Variants in SEMA5B observed in about 807,000 individuals in gnomAD.
The protein encoded by SEMA5B is semaphorin-5B.
Under a neutral mutation model 135.0 loss-of-function variants are expected in SEMA5B, and 66 were observed. The observed-to-expected ratio is 0.49, with a 90% CI of 0.40 to 0.60. SEMA5B has a LOEUF of 0.60. Ranked by LOEUF, SEMA5B falls within the 20% of genes least tolerant of loss-of-function variation. The pLI, the probability that SEMA5B is intolerant of heterozygous loss-of-function variation, is 0.00. For missense variants in SEMA5B, 1,501 were observed against 1,566.3 expected, an observed-to-expected ratio of 0.96 and a Z score of 0.70; for synonymous variants, 690 against 639.5, an observed-to-expected ratio of 1.08 and a Z score of -1.19.
intron 1 of SEMA5B, among the ~76,000 whole-genome samples, chr3:123,024,436 T>G (rs1276617493): frequency 6.6e-6 from 1 of 152,174 alleles, no homozygotes; most frequent in Non-Finnish European, 1.5e-5. Flanking sequence ...AAACAAAAAG[T>G]TATGGTTGAA....
At chr3:122,949,796 GC>G (rs565994634) in intron 2 of SEMA5B, among the ~76,000 whole-genome samples, 96 of 152,074 alleles carry the variant, frequency 6.3e-4, no homozygotes, top group African/African-American at 2.2e-3. Context: ...TGACCTTGTG[GC>G]CCCCCGACCC....
At chr3:122,910,811 A>G (rs1247146794) in intron 22 of SEMA5B, 29 bp downstream of exon 22, 2 of 521,124 alleles carry the variant, frequency 3.8e-6, no homozygotes, top group Admixed American at 5.3e-5. Flanking sequence ...CTCCGTCTCA[A>G]AAAAAAAAAA....
intron 1 of SEMA5B, among the ~76,000 whole-genome samples, chr3:122,965,843 G>A (rs2107622320): frequency 6.6e-6 from 1 of 152,326 alleles, no homozygotes; most frequent in African/African-American, 2.4e-5. Context: ...CCAGGACCCA[G>A]GATTAAGAAC....
At position 122,948,696 on chromosome 3, in the gene SEMA5B, A is replaced by T; in HGVS notation, c.138T>A (p.Cys46Ter). ...CTGCAGTCCTAGCTCCGGGAGGCAG[A>T]CAGGGGAGAAGACCTGCAACGTAAA... ...LLSLVRGLLP[C>*]LPPGARTAEG... Residue 46 changes from cysteine to a stop codon, truncating the protein, a stop_gained, in exon 3 of 23, where the codon TGT (cysteine) becomes TGA (stop). Coordinates refer to ENST00000357599, the MANE Select transcript of SEMA5B (RefSeq NM_001031702.4). LOFTEE classifies it high-confidence loss of function. 6.2e-7 allele frequency: 1 copy of T among 1,602,344 alleles called. No homozygotes were observed. Among genetic ancestry groups the T allele is most frequent in the Non-Finnish European group, 8.5e-7 (1 of 1,171,750 alleles).
At chr3:123,000,957 A>G (rs750481175) in intron 1 of SEMA5B, among the ~76,000 whole-genome samples, 1 of 152,192 alleles carries the variant, frequency 6.6e-6, no homozygotes, top group African/African-American at 2.4e-5. Context: ...CCCACACTGA[A>G]TCCCAGAGGC....
rs563255068 is a variant in SEMA5B at position 123,012,340 on chromosome 3, C to T, written c.-39+15124G>A. On this transcript the variant is annotated intron_variant, in intron 1 of 22. Coordinates refer to ENST00000357599, the MANE Select transcript of SEMA5B (RefSeq NM_001031702.4). ...TCTTATGCCTTCTCCCCCATGTTCT[C>T]CCAATCCCTACCATCATTTTCCTCT... 1.3e-3 allele frequency among the ~76,000 whole-genome samples: 193 copies of T among 152,300 alleles called. 1 individual carries two copies. The highest frequency in any genetic ancestry group is 2.3e-3 in the Non-Finnish European group (156 of 68,026).
intron 15 of SEMA5B, 39 bp from the exon 16 acceptor site, chr3:122,913,720 C>A: frequency 6.2e-7 from 1 of 1,604,202 alleles, no homozygotes; most frequent in Non-Finnish European, 8.5e-7. Context: ...GGGAGGGGGA[C>A]CCCCTTCCCT....
chr3:123,018,392 G>C (rs768225867), intron 1 of SEMA5B, among the ~76,000 whole-genome samples: 1 of 152,220 alleles, frequency 6.6e-6, no homozygotes. Flanking sequence ...CACCCTCAGC[G>C]TTTTCTCCCT....
intron 2 of SEMA5B, among the ~76,000 whole-genome samples, chr3:122,960,075 A>C (rs1362209616): frequency 1.3e-5 from 2 of 152,232 alleles, no homozygotes; most frequent in South Asian, 2.1e-4. Flanking sequence ...CAGTTGCTGC[A>C]TAAAATGAAA....
chr3:122,932,970 T>C (rs1426077080), intron 5 of SEMA5B, among the ~76,000 whole-genome samples: 2 of 152,260 alleles, frequency 1.3e-5, no homozygotes, highest in South Asian at 2.1e-4. Flanking sequence ...TCTGCTCCCC[T>C]CGGCCTCCCA....
Position 122,910,002 on chromosome 3 carries a change from G to A in SEMA5B, c.*141C>T, listed in dbSNP as rs1172574368. On this transcript the variant is annotated 3_prime_UTR_variant, in exon 23 of 23. Transcript: ENST00000357599. The stretch of plus-strand genomic sequence containing the variant: ...TCAATGCCAGCCAGAGCTCTCTGAA[G>A]CCGGATGGGACCCCCCACAGGCAAG... 1 of 854,732 alleles carries A rather than the reference G, an allele frequency of 1.2e-6. No homozygotes were observed. Among genetic ancestry groups the A allele is most frequent in the Non-Finnish European group, 1.8e-6 (1 of 557,180 alleles). 52.9% of individuals were successfully genotyped at this position (854,732 alleles called of 1,614,324 possible).
chr3:122,922,315 C>T lies in SEMA5B; in HGVS notation c.1405G>A (p.Val469Met), dbSNP rs761951881. ...TCCACCACGAGGTGTGAGAAGCGCA[C>T]GCTGTCCTGGGTGACACAGGGCTCG... ...TPEPCVTQDS[V>M]RFSHLVVDLV... is the part of the protein sequence containing the mutation. The change falls in exon 11 of 23, where the codon GTG becomes ATG. Residue 469 changes from valine to methionine, a missense_variant. By Grantham distance (21) the Val-to-Met change is conservative (BLOSUM62 1). Around this residue, in one of 2 missense-constraint regions of SEMA5B, gnomAD observed 574 missense variants for 684.7 expected, o/e 0.84. Transcript: ENST00000357599. The T allele has an allele frequency of 1.1e-5, 18 of 1,613,958 alleles. No homozygotes were observed. Among genetic ancestry groups the T allele is most frequent in the African/African-American group, 1.1e-4 (8 of 74,948 alleles).
chr3:122,913,984 G>C lies in SEMA5B; in HGVS notation c.2006C>G (p.Pro669Arg). 8.7e-6 allele frequency: 14 copies of C among 1,604,056 alleles called. No homozygotes were observed. Among genetic ancestry groups the C allele is most frequent in the Non-Finnish European group, 1.1e-5 (13 of 1,175,514 alleles). Reference sequence around the variant, plus strand: ...GCTGCACAGCGCCCACGATGACCACGGGGTCCACGCCCCATTCCTGGCGGG... The same window carrying C: ...GCTGCACAGCGCCCACGATGACCACCGGGTCCACGCCCCATTCCTGGCGGG... Reference protein sequence around the residue: ...ANCSRNGAWTPWSSWALCSTS... With the variant: ...ANCSRNGAWTRWSSWALCSTS... The change falls in exon 15 of 23, where the codon CCG becomes CGG. Residue 669 changes from proline to arginine, a missense_variant. Pro to Arg is a moderately radical substitution (Grantham distance 103). Coordinates refer to ENST00000357599, the MANE Select transcript of SEMA5B (RefSeq NM_001031702.4).
chr3:122,971,138 G>A (rs1051046296), intron 1 of SEMA5B, among the ~76,000 whole-genome samples: 4 of 152,226 alleles, frequency 2.6e-5, no homozygotes, highest in Non-Finnish European at 5.9e-5. Context: ...CCAGGCCTGA[G>A]GAAGTCACTC....
At chr3:122,919,559 T>C (rs1938249173) in intron 12 of SEMA5B, among the ~76,000 whole-genome samples, 1 of 152,120 alleles carries the variant, frequency 6.6e-6, no homozygotes, top group African/African-American at 2.4e-5. Context: ...TTGGAAGGCA[T>C]GAGGGAAAAA....
At position 122,911,526 on chromosome 3, in the gene SEMA5B, G is replaced by A; in HGVS notation, c.3056C>T (p.Pro1019Leu). Residue 1019 changes from proline (P) to leucine (L), a missense_variant, in exon 21 of 23, where the codon CCA (proline) becomes CTA (leucine). Pro to Leu is a moderately conservative substitution (Grantham distance 98). Coordinates refer to ENST00000357599, the MANE Select transcript of SEMA5B (RefSeq NM_001031702.4). ...GGTGGCCTCCTCCATGCTGGAGGCT[G>A]GCAGGATGACTGCAGGAAGACCAGT... ...CPYSEIPVIL[P>L]ASSMEEATDC... The A allele has an allele frequency of 6.2e-7, 1 of 1,610,264 alleles. No individual in the cohort carries two copies.
chr3:122,910,064 C>A lies in SEMA5B; in HGVS notation c.*79G>T. The A allele has an allele frequency of 6.7e-7, 1 of 1,500,290 alleles. No individual in the cohort carries two copies. Among genetic ancestry groups the A allele is most frequent in the Non-Finnish European group, 9.0e-7 (1 of 1,111,082 alleles). The allele number at this position is 1,500,290 out of a possible 1,614,324, so 92.9% of individuals were successfully genotyped here. A position where few individuals can be genotyped will look rare whatever the true frequency, so the allele number is the denominator to read the frequency against. On this transcript the variant is annotated 3_prime_UTR_variant, in exon 23 of 23. Coordinates refer to ENST00000357599, the MANE Select transcript of SEMA5B (RefSeq NM_001031702.4). ...TTGGCCTAGTGCAGAGGGAGAAAAC[C>A]AAACTGGCTCCACTGTCCCATCTCC...
chr3:123,005,366 A>T (rs1206156378), intron 1 of SEMA5B, among the ~76,000 whole-genome samples: 6 of 151,940 alleles, frequency 3.9e-5, no homozygotes, highest in African/African-American at 1.5e-4. Context: ...GATGCTTATT[A>T]TTATTATTAT....
At chr3:122,966,536 T>TTTATTA (rs140866804) in intron 1 of SEMA5B, among the ~76,000 whole-genome samples, 3,973 of 141,508 alleles carry the variant, frequency 0.028, 127 homozygotes, top group East Asian at 0.084. Flanking sequence ...TGTAAGAATG[T>TTTATTA]TTATTATTAT....
Sources: gnomAD v4.1 joint callset for allele counts (sites outside exome capture counted in the v4.1 genomes callset) on GRCh38, gnomAD v4.1.1 for gene constraint, gnomAD v4.1.1 regional missense constraint, MANE v1.5 for transcripts, NCBI Gene and HGNC (gene_info 2026-07-23, HGNC 2026-07-21) for gene names.